PREX1: variants seen among roughly 807,000 people sequenced by gnomAD.
PREX1 encodes phosphatidylinositol 3,4,5-trisphosphate-dependent Rac exchanger 1 protein.
A neutral mutation model predicts 198.3 loss-of-function variants in PREX1; 41 were observed. That is an observed-to-expected ratio of 0.21 (90% CI 0.16 to 0.27). The LOEUF is 0.27. Ranked by LOEUF, PREX1 falls within the 10% of genes least tolerant of loss-of-function variation. The pLI is 1.00. For missense variants in PREX1, 1,620 were observed against 2,200.7 expected (o/e 0.74, Z 5.28); for synonymous variants, 843 against 887.2 (o/e 0.95, Z 0.89).
intron 2 of PREX1, among the ~76,000 whole-genome samples, chr20:48,747,114 C>T (rs1343768959): frequency 6.6e-6 from 1 of 152,068 alleles, no homozygotes; most frequent in Non-Finnish European, 1.5e-5. Flanking sequence ...TGTCAACATG[C>T]AAGGCCACCG....
chr20:48,669,968 C>T (rs1489912430), intron 14 of PREX1, among the ~76,000 whole-genome samples: 8 of 152,208 alleles, frequency 5.3e-5, no homozygotes, highest in Admixed American at 3.9e-4. Context: ...TGCCTCTCAC[C>T]GACCCACCAT....
Position 48,655,377 on chromosome 20 carries a change from T to C in PREX1, c.2124-2A>G. ...GGCTGGTCGGGGATTTTGATGATCC[T>C]GCACCAGGTAGAAGAGGCAGGGAAA... On this transcript the variant is annotated splice_acceptor_variant, in intron 18 of 39. Coordinates refer to ENST00000371941, the MANE Select transcript of PREX1 (RefSeq NM_020820.4). LOFTEE classifies it high-confidence loss of function. The C allele has an allele frequency of 6.4e-7, 1 of 1,558,842 alleles. No homozygotes were observed. The highest frequency in any genetic ancestry group is 8.7e-7 in the Non-Finnish European group (1 of 1,146,936).
intron 30 of PREX1, 59 bp from the exon 31 acceptor site, chr20:48,637,811 G>A (rs1163479360): frequency 2.0e-6 from 3 of 1,476,060 alleles, no homozygotes; most frequent in Non-Finnish European, 2.8e-6. Context: ...CAAGAGGTGA[G>A]GGCAGAACCG....
At chr20:48,806,669 G>A (rs1033619375) in intron 1 of PREX1, among the ~76,000 whole-genome samples, 16 of 152,166 alleles carry the variant, frequency 1.1e-4, no homozygotes, top group African/African-American at 1.7e-4. Flanking sequence ...AGGAGGAGCC[G>A]GGACTGAAAG....
intron 1 of PREX1, among the ~76,000 whole-genome samples, chr20:48,778,942 G>C (rs1357441648): frequency 6.6e-6 from 1 of 152,108 alleles, no homozygotes; most frequent in African/African-American, 2.4e-5. Context: ...TGTGACCTGA[G>C]ATTAAGAAAA....
intron 1 of PREX1, among the ~76,000 whole-genome samples, chr20:48,765,694 GCTATA>G (rs1296027049): frequency 3.3e-5 from 5 of 152,236 alleles, no homozygotes; most frequent in African/African-American, 1.2e-4. Context: ...TTCCCATGGG[GCTATA>G]CTGCTTCTTC....
intron 1 of PREX1, among the ~76,000 whole-genome samples, chr20:48,756,818 T>C (rs527621009): frequency 6.6e-6 from 1 of 152,324 alleles, no homozygotes; most frequent in South Asian, 2.1e-4. Context: ...GACTGGGTAA[T>C]TTATAAAGAG....
the PREX1 span, among the ~76,000 whole-genome samples, chr20:48,870,301 C>T: frequency 6.6e-6 from 1 of 152,138 alleles, no homozygotes; most frequent in African/African-American, 2.4e-5. Flanking sequence ...TACAAACAAA[C>T]ATGCCAGTGG....
chr20:48,863,938 A>G, the PREX1 span, among the ~76,000 whole-genome samples: 1 of 152,184 alleles, frequency 6.6e-6, no homozygotes, highest in East Asian at 1.9e-4. Context: ...ATGTCTTTTC[A>G]TGGCTTGATA....
chr20:48,748,732 G>A (rs1387425840), intron 1 of PREX1, among the ~76,000 whole-genome samples: 1 of 152,226 alleles, frequency 6.6e-6, no homozygotes, highest in Non-Finnish European at 1.5e-5. Flanking sequence ...GGGCAGGAGT[G>A]ACAGGGGCTG....
At chr20:48,715,837 GT>G (rs886150220) in intron 5 of PREX1, among the ~76,000 whole-genome samples, 2 of 152,152 alleles carry the variant, frequency 1.3e-5, no homozygotes, top group Non-Finnish European at 2.9e-5. Flanking sequence ...AGTGTATTAA[GT>G]CATTTCATCC....
intron 1 of PREX1, among the ~76,000 whole-genome samples, chr20:48,762,311 CAG>C (rs1235743331): frequency 2.0e-5 from 3 of 152,112 alleles, no homozygotes; most frequent in African/African-American, 7.2e-5. Flanking sequence ...GGGATTCTAG[CAG>C]AGATTCTCAA....
At chr20:48,652,808 A>T in intron 20 of PREX1, 102 bp from the exon 21 acceptor site, 1 of 1,325,320 alleles carries the variant, frequency 7.5e-7, no homozygotes, top group Non-Finnish European at 1.0e-6. Flanking sequence ...AGCTCTGGAA[A>T]CTCACTGACC....
chr20:48,625,907 G>A lies in PREX1; in HGVS notation c.4958C>T (p.Pro1653Leu), dbSNP rs1382941519. 1.9e-6 allele frequency: 3 copies of A among 1,563,996 alleles called. No individual in the cohort carries two copies. The highest frequency in any genetic ancestry group is 2.6e-6 in the Non-Finnish European group (3 of 1,158,090). Reference sequence around the variant, plus strand: ...TGTTCAGAGGTCCCCATCCACCGGCGGCTGGCAGAGGCGGTAGAGGCTGGG... The same window carrying A: ...TGTTCAGAGGTCCCCATCCACCGGCAGCTGGCAGAGGCGGTAGAGGCTGGG... The part of the protein sequence containing the change: ...GAPRLYRLCQ[P>L]PVDGDL Residue 1653 changes from proline to leucine, a missense_variant, in exon 40 of 40, where the codon CCG (proline) becomes CTG (leucine). Around this residue, in one of 7 missense-constraint regions of PREX1, gnomAD observed 476 missense variants for 603.4 expected, o/e 0.79. Transcript: ENST00000371941.
chr20:48,630,250 G>A (rs1233907166), intron 36 of PREX1, among the ~76,000 whole-genome samples: 4 of 152,194 alleles, frequency 2.6e-5, no homozygotes, highest in South Asian at 2.1e-4. Flanking sequence ...CCGAACTATC[G>A]AGGCCCCTCA....
chr20:48,766,757 T>C (rs2090209942), intron 1 of PREX1, among the ~76,000 whole-genome samples: 1 of 152,202 alleles, frequency 6.6e-6, no homozygotes, highest in South Asian at 2.1e-4. Flanking sequence ...GCCTAAGACC[T>C]CTCAGAGGTC....
rs146526094 is a variant in PREX1, at chr20:48,666,323, C to T, written c.1698G>A (p.Ala566=). ...GDCQTREEAV[A]LGVGLCNNGF... is the part of the protein sequence containing the mutation. ...CATTGTTGCACAGACCCACGCCGAG[C>T]GCCACTGCCTCCTCCCGAGTCTGGC... The change falls in exon 15 of 40, where the codon GCG becomes GCA. Residue 566 remains alanine (A), a synonymous_variant. Coordinates refer to ENST00000371941, the MANE Select transcript of PREX1 (RefSeq NM_020820.4). This position sits in a 1 kb window ranked among gnomAD's most constrained non-coding sequence, Gnocchi z 4.3. 5,369 of 1,570,098 alleles carry T rather than the reference C, an allele frequency of 3.4e-3. 34 individuals are homozygous for T. Among genetic ancestry groups the T allele is most frequent in the Middle Eastern group, 0.024 (146 of 5,998 alleles).
chr20:48,642,297 G>A (rs2089420415), intron 28 of PREX1, 39 bp from the exon 29 acceptor site: 1 of 1,608,568 alleles, frequency 6.2e-7, no homozygotes, highest in South Asian at 1.1e-5. Context: ...TGGGCCCCGT[G>A]GCCCTACACA....
chr20:48,628,101 C>T, intron 37 of PREX1, 138 bp from the exon 38 acceptor site: 1 of 645,214 alleles, frequency 1.5e-6, no homozygotes, highest in Non-Finnish European at 2.7e-6. Context: ...CAATCCTGAC[C>T]ATCACGGCAA....
Sources: allele counts gnomAD v4.1 joint callset (sites outside exome capture counted in the v4.1 genomes callset), GRCh38; gene constraint gnomAD v4.1.1; regional missense constraint gnomAD v4.1.1; non-coding constraint Gnocchi (gnomAD v3.1); transcripts MANE v1.5; gene names NCBI Gene and HGNC (gene_info 2026-07-23, HGNC 2026-07-21).